The following RNF212 variants were observed in gnomAD, a reference collection of about 807,000 sequenced individuals.
RNF212 encodes ring finger protein 212, also known as probable E3 SUMO-protein ligase RNF212.
In RNF212, 33 loss-of-function variants were observed where a neutral mutation model predicts 34.7. The ratio of observed to expected loss-of-function variants is 0.95; its 90% CI spans 0.72 to 1.27. The LOEUF (loss-of-function observed/expected upper bound fraction) is 1.27, where lower values mean the gene tolerates loss of function less well. Among genes scored for constraint, RNF212 ranks in the 50% most tolerant of loss-of-function variants. The pLI, the probability that RNF212 is intolerant of heterozygous loss-of-function variation, is 0.00. For missense variants in RNF212, 377 were observed against 362.2 expected (o/e 1.04, Z -0.33); for synonymous variants, 140 against 136.1 (o/e 1.03, Z -0.20).
chr4:1,081,517 C>T (rs745967759), intron 6 of RNF212, 50 bp from the exon 7 acceptor site: 2 of 1,605,172 alleles, frequency 1.2e-6, no homozygotes, highest in Admixed American at 3.3e-5. Context: ...CAGTGTGACT[C>T]AGCAACATGC....
intron 8 of RNF212, 41 bp downstream of exon 8, chr4:1,079,602 G>C: frequency 7.3e-7 from 1 of 1,375,956 alleles, no homozygotes; most frequent in Non-Finnish European, 1.0e-6. Flanking sequence ...AATGCCACAC[G>C]TCTGGTATAC....
chr4:1,093,717 C>T (rs1228215803), intron 3 of RNF212: 1 of 1,536,246 alleles, frequency 6.5e-7, no homozygotes, highest in Non-Finnish European at 8.7e-7. Flanking sequence ...TGATAACAGA[C>T]ATGTTTTATG....
At chr4:1,094,060 G>A (rs755150189) in intron 3 of RNF212, 3 of 1,496,890 alleles carry the variant, frequency 2.0e-6, no homozygotes, top group Non-Finnish European at 2.7e-6. Flanking sequence ...GCTCCCAGAG[G>A]AGGACAGTCT....
chr4:1,096,585 C>T lies in RNF212; in HGVS notation c.246+180G>A, dbSNP rs1723082898. On this transcript the variant is annotated intron_variant, in intron 3 of 9. Coordinates refer to ENST00000433731, the MANE Select transcript of RNF212 (RefSeq NM_001131034.4). ...GAACCAAGCACAACTCCCACAGCTC[C>T]ATGGTCTCGGGATAGTGCACCTGGC... 4 of 651,306 alleles carry T rather than the reference C, an allele frequency of 6.1e-6. No individual in the cohort carries two copies. The Admixed American group carries it at 9.4e-5, about 15-fold the overall frequency. The allele number at this position is 651,306 out of a possible 1,614,324, so 40.3% of individuals were successfully genotyped here.
At chr4:1,108,691 A>T (rs1725191680) in intron 1 of RNF212, among the ~76,000 whole-genome samples, 1 of 152,294 alleles carries the variant, frequency 6.6e-6, no homozygotes, top group Non-Finnish European at 1.5e-5. Flanking sequence ...AGGCTTTTTT[A>T]AAATTAAAAT....
At chr4:1,079,276 G>A (rs1409330995) in intron 8 of RNF212, among the ~76,000 whole-genome samples, 2 of 152,186 alleles carry the variant, frequency 1.3e-5, no homozygotes, top group Non-Finnish European at 2.9e-5. Context: ...GACCAACACA[G>A]GGTCAACACA....
chr4:1,099,165 AG>A, intron 2 of RNF212, among the ~76,000 whole-genome samples: 1 of 152,344 alleles, frequency 6.6e-6, no homozygotes, highest in Admixed American at 6.5e-5. Context: ...CACATTGCAG[AG>A]GGCCGGCGAT....
chr4:1,088,578 C>T (rs1721699965), intron 4 of RNF212, among the ~76,000 whole-genome samples: 2 of 152,190 alleles, frequency 1.3e-5, no homozygotes, highest in African/African-American at 4.8e-5. Context: ...AAGCTGGCTG[C>T]AGAAATGTGC....
chr4:1,081,150 G>A (rs569311256), intron 7 of RNF212, among the ~76,000 whole-genome samples: 10 of 152,374 alleles, frequency 6.6e-5, no homozygotes, highest in African/African-American at 1.7e-4. Context: ...CGGGGGGCAC[G>A]CAGAACACTG....
chr4:1,099,012 C>T (rs1723501435), intron 2 of RNF212, among the ~76,000 whole-genome samples: 1 of 152,036 alleles, frequency 6.6e-6, no homozygotes, highest in South Asian at 2.1e-4. Context: ...TGACAGACAC[C>T]CCAGGATGTC....
chr4:1,113,582 G>C (rs956419071), upstream of RNF212: 16 of 723,514 alleles, frequency 2.2e-5, no homozygotes, highest in Admixed American at 3.9e-5. Flanking sequence ...CAAAGTCGAC[G>C]GCAGCCCTGC....
chr4:1,102,391 G>T (rs914597960), intron 2 of RNF212, among the ~76,000 whole-genome samples: 2 of 152,090 alleles, frequency 1.3e-5, no homozygotes, highest in Admixed American at 6.5e-5. Context: ...CATCTGAGCA[G>T]GTTTTGTATC....
chr4:1,099,965 C>G (rs1177557649), intron 2 of RNF212: 2 of 439,608 alleles, frequency 4.5e-6, no homozygotes, highest in Admixed American at 4.9e-5. Flanking sequence ...GAGGCTGATG[C>G]AGCCACTGCC....
chr4:1,093,932 T>A, intron 3 of RNF212: 2 of 1,536,126 alleles, frequency 1.3e-6, no homozygotes, highest in East Asian at 2.4e-5. Flanking sequence ...TTGGCTTCCA[T>A]GGGTCGAGCC....
intron 8 of RNF212, among the ~76,000 whole-genome samples, chr4:1,077,099 G>T (rs557176660): frequency 6.6e-6 from 1 of 152,138 alleles, no homozygotes; most frequent in Admixed American, 6.5e-5. Context: ...ATGGTGGTGC[G>T]TGCCTGTAGT....
At chr4:1,060,983 C>T (rs988316288) in intron 3 of RNF212, among the ~76,000 whole-genome samples, 9 of 152,172 alleles carry the variant, frequency 5.9e-5, no homozygotes, top group East Asian at 1.9e-4. Flanking sequence ...AAGCCAAGTG[C>T]GAAACTGGAC....
At chr4:1,078,720 A>G (rs1358857613) in intron 8 of RNF212, among the ~76,000 whole-genome samples, 2 of 152,266 alleles carry the variant, frequency 1.3e-5, no homozygotes, top group African/African-American at 2.4e-5. Context: ...GCACGGGACC[A>G]ACATGGGACC....
chr4:1,094,092 C>T, intron 3 of RNF212: 1 of 1,446,358 alleles, frequency 6.9e-7, no homozygotes, highest in South Asian at 1.4e-5. Flanking sequence ...CTGACCACAG[C>T]CTGAAGGCAC....
rs534161196 is a variant in RNF212, at chr4:1,056,489, C to G, written n.235G>C. On this transcript the variant is annotated non_coding_transcript_exon_variant, in exon 5 of 5. Coordinates refer to the RNF212 transcript ENST00000503206. ...AAACACAACTTTGTCTTTGAAATGA[C>G]TTCAAAACTTCACACTGTTGAGGAA... The G allele has an allele frequency of 6.6e-5, 65 of 985,816 alleles. No individual in the cohort carries two copies. In the African/African-American group the frequency reaches 1.0e-3, roughly 16 times the overall value. 61.1% of individuals were successfully genotyped at this position (985,816 alleles called of 1,614,324 possible). A position where few individuals can be genotyped will look rare whatever the true frequency, so the allele number is the denominator to read the frequency against.
Sources: gnomAD v4.1 joint callset for allele counts (sites outside exome capture counted in the v4.1 genomes callset) on GRCh38, gnomAD v4.1.1 for gene constraint, MANE v1.5 for transcripts, NCBI Gene and HGNC (gene_info 2026-07-23, HGNC 2026-07-21) for gene names.